Variants in CELF2 observed in about 807,000 individuals in gnomAD.
The protein encoded by CELF2 is CUG triplet repeat RNA-binding protein 2.
A neutral mutation model predicts 62.6 loss-of-function variants in CELF2; 8 were observed. The ratio of observed to expected loss-of-function variants is 0.13; its 90% CI spans 0.07 to 0.23. The LOEUF is 0.23. Among genes scored for constraint, CELF2 ranks in the 10% least tolerant of loss-of-function variants. The probability of loss-of-function intolerance (pLI) is 1.00; values close to 1 mark genes in which losing one functional copy is unlikely to be tolerated. For missense variants in CELF2, 333 were observed against 671.0 expected (o/e 0.50, Z 5.56); for synonymous variants, 258 against 250.0 (o/e 1.03, Z -0.30).
chr10:10,489,152 C>T, the CELF2 span, among the ~76,000 whole-genome samples: 1 of 151,866 alleles, frequency 6.6e-6, no homozygotes, highest in African/African-American at 2.4e-5. Flanking sequence ...AACTTCTTCA[C>T]CAAAAAAAAA....
At chr10:11,139,772 A>G (rs188087346) in intron 1 of CELF2, among the ~76,000 whole-genome samples, 16 of 152,012 alleles carry the variant, frequency 1.1e-4, no homozygotes, top group Admixed American at 1.0e-3. Flanking sequence ...TTTTAGTTGC[A>G]CAAATACCTA....
At position 11,011,033 on chromosome 10, in the gene CELF2, C is replaced by G. The variant is rs1365478991; in HGVS notation, c.53+5593C>G. The G allele has an allele frequency of 1.1e-4, 16 of 152,226 alleles. No individual in the cohort carries two copies. The allele number at this position is 152,226 out of a possible 1,614,324, so 9.4% of individuals were successfully genotyped here. A position where few individuals can be genotyped will look rare whatever the true frequency, so the allele number is the denominator to read the frequency against. The stretch of plus-strand genomic sequence containing the variant: ...TACCAATGTAGATTCTAACAACTCT[C>G]TCTTCTGTACCCTCATTTGTTCACC... On this transcript the variant is annotated intron_variant, in intron 1 of 12. Coordinates refer to the CELF2 transcript ENST00000416382. This position sits in a 1 kb window ranked among gnomAD's most constrained non-coding sequence, Gnocchi z 4.6.
At chr10:11,097,852 A>T (rs1438171721) in intron 1 of CELF2, among the ~76,000 whole-genome samples, 1 of 152,188 alleles carries the variant, frequency 6.6e-6, no homozygotes, top group Admixed American at 6.5e-5. Context: ...CCGATCAGGG[A>T]CTTCCCAGAT....
intron 1 of CELF2, among the ~76,000 whole-genome samples, chr10:10,886,073 A>G (rs1302674297): frequency 6.6e-6 from 1 of 152,172 alleles, no homozygotes; most frequent in Admixed American, 6.5e-5. Context: ...GTGGTCTTTT[A>G]TATTTTAAAT....
intron 2 of CELF2, among the ~76,000 whole-genome samples, chr10:10,955,506 A>G (rs1200780363): frequency 6.6e-6 from 1 of 152,228 alleles, no homozygotes; most frequent in Admixed American, 6.5e-5. Flanking sequence ...ACTGCTACAC[A>G]ATGAAGCCAT....
chr10:10,792,360 T>C, the CELF2 span: 2 of 398,270 alleles, frequency 5.0e-6, no homozygotes, highest in East Asian at 3.6e-5. Flanking sequence ...TGGGTAATAA[T>C]GGAAGGCCTA....
chr10:10,683,140 T>G, the CELF2 span, among the ~76,000 whole-genome samples: 1 of 152,210 alleles, frequency 6.6e-6, no homozygotes, highest in Non-Finnish European at 1.5e-5. Context: ...CTATAGTATT[T>G]CAATATCCAG....
chr10:11,016,974 A>G (rs1400774508), upstream of CELF2, among the ~76,000 whole-genome samples: 1 of 152,276 alleles, frequency 6.6e-6, no homozygotes, highest in African/African-American at 2.4e-5. This position sits in a 1 kb window ranked among gnomAD's most constrained non-coding sequence, Gnocchi z 5.2. Context: ...GAAGTCTTAC[A>G]TACTTGTGAC....
the CELF2 span, among the ~76,000 whole-genome samples, chr10:10,592,452 G>C: frequency 6.6e-6 from 1 of 152,100 alleles, no homozygotes; most frequent in Non-Finnish European, 1.5e-5. Flanking sequence ...TCCTTTCTGT[G>C]GGTTTCATTT....
At chr10:11,045,925 G>A (rs372202751) in intron 1 of CELF2, among the ~76,000 whole-genome samples, 3 of 152,288 alleles carry the variant, frequency 2.0e-5, no homozygotes, top group South Asian at 4.1e-4. Flanking sequence ...TTATTTCATC[G>A]TTACAATAAT....
At chr10:10,707,930 A>G in the CELF2 span, among the ~76,000 whole-genome samples, 1,616 of 152,268 alleles carry the variant, frequency 0.011, 20 homozygotes, top group African/African-American at 0.037. Context: ...GCAGAAAAAG[A>G]GGAATAAATA....
At chr10:11,092,059 G>GT (rs35652800) in intron 1 of CELF2, among the ~76,000 whole-genome samples, 27,689 of 152,110 alleles carry the variant, frequency 0.18, 2,715 homozygotes, top group Non-Finnish European at 0.23. Context: ...AATTTAATCT[G>GT]TAACTTCTAA....
chr10:10,528,435 C>A, the CELF2 span, among the ~76,000 whole-genome samples: 34 of 152,252 alleles, frequency 2.2e-4, no homozygotes, highest in East Asian at 6.0e-3. Context: ...ACAAACAGCA[C>A]CTACATAACA....
At chr10:11,137,081 T>TA (rs2060554815) in intron 1 of CELF2, among the ~76,000 whole-genome samples, 1 of 152,266 alleles carries the variant, frequency 6.6e-6, no homozygotes, top group African/African-American at 2.4e-5. Context: ...TATATATGTA[T>TA]ATACCTATGT....
chr10:11,133,706 A>T (rs1430894938), intron 1 of CELF2, among the ~76,000 whole-genome samples: 3 of 152,252 alleles, frequency 2.0e-5, no homozygotes, highest in Non-Finnish European at 4.4e-5. Context: ...AAAACAGCTG[A>T]GTAAATTCCT....
chr10:11,013,586 T>G (rs2056813573), upstream of CELF2, among the ~76,000 whole-genome samples: 1 of 152,012 alleles, frequency 6.6e-6, no homozygotes, highest in Non-Finnish European at 1.5e-5. The surrounding 1 kb of genome is among the most constrained non-coding windows in gnomAD (Gnocchi z 4.1). Context: ...TTGCAAAAAA[T>G]AAAAATAAAT....
At chr10:10,695,140 G>T in the CELF2 span, among the ~76,000 whole-genome samples, 1 of 149,214 alleles carries the variant, frequency 6.7e-6, no homozygotes, top group African/African-American at 2.5e-5. Context: ...TGCAGCGGCT[G>T]GTACCGATTG....
chr10:10,765,912 C>T, the CELF2 span, among the ~76,000 whole-genome samples: 3 of 152,142 alleles, frequency 2.0e-5, no homozygotes, highest in East Asian at 1.9e-4. Context: ...CAGGCACAAG[C>T]GCACTGGCCC....
At chr10:10,741,377 G>A in the CELF2 span, among the ~76,000 whole-genome samples, 1 of 151,674 alleles carries the variant, frequency 6.6e-6, no homozygotes, top group Non-Finnish European at 1.5e-5. Context: ...TGGGCGTGGT[G>A]GTGGGCACCT....
Sources: allele counts gnomAD v4.1 joint callset (sites outside exome capture counted in the v4.1 genomes callset), GRCh38; gene constraint gnomAD v4.1.1; non-coding constraint Gnocchi (gnomAD v3.1); transcripts MANE v1.5; gene names NCBI Gene and HGNC (gene_info 2026-07-23, HGNC 2026-07-21).